Variants in VCP observed in about 807,000 individuals in gnomAD.
VCP encodes the protein transitional endoplasmic reticulum ATPase.
In VCP, 6 loss-of-function variants were observed where a neutral mutation model predicts 85.7. The ratio of observed to expected loss-of-function variants is 0.07; its 90% CI spans 0.04 to 0.14. The LOEUF is 0.14. Among genes scored for constraint, VCP ranks in the 10% least tolerant of loss-of-function variants. The pLI, the probability that VCP is intolerant of heterozygous loss-of-function variation, is 1.00. For synonymous variants in VCP, 384 were observed against 367.1 expected, an observed-to-expected ratio of 1.05 and a Z score of -0.53; for missense variants, 353 against 1,043.4, an observed-to-expected ratio of 0.34 and a Z score of 9.12.
At chr9:35,071,892 G>C (rs1272133337) in intron 1 of VCP, 1 of 998,540 alleles carries the variant, frequency 1.0e-6, no homozygotes, top group Non-Finnish European at 1.2e-6. Context: ...CACGCCCACC[G>C]GGCCCGGCTG....
chr9:35,066,521 C>G (rs1828835204), intron 4 of VCP, among the ~76,000 whole-genome samples, 154 bp downstream of exon 4: 1 of 151,084 alleles, frequency 6.6e-6, no homozygotes, highest in Admixed American at 6.6e-5. Context: ...GCCACGGTGC[C>G]CAGCTGACCC....
At chr9:35,071,322 T>G (rs1182159068) in intron 1 of VCP, among the ~76,000 whole-genome samples, 1 of 70,060 alleles carries the variant, frequency 1.4e-5, no homozygotes, top group East Asian at 3.3e-4. Context: ...TTTTTTTTTT[T>G]GCCTCTAAAA....
rs757516574 is a variant in VCP at position 35,057,161 on chromosome 9, C to T, written c.2377G>A (p.Gly793Ser). 6.2e-7 allele frequency: 1 copy of T among 1,614,202 alleles called. No homozygotes were observed. The highest frequency in any genetic ancestry group is 8.5e-7 in the Non-Finnish European group (1 of 1,180,028). ...PSQGSGGGTG[G>S]SVYTEDNDDD... ...TCATTGTCTTCTGTGTATACACTGC[C>T]ACCTGTGCCGCCTCCACTGCCCTGA... is the stretch of plus-strand genomic sequence containing the variant. The change falls in exon 17 of 17, where the codon GGC becomes AGC. Residue 793 changes from glycine (G) to serine (S), a missense_variant. By Grantham distance (56) the Gly-to-Ser change is moderately conservative (BLOSUM62 0). This residue lies in a region of VCP where 93 missense variants were observed against 197.1 expected (regional missense o/e 0.47). Transcript: ENST00000358901.
At chr9:35,071,293 GTTTTTTTTTTTTTTT>G (rs869178164) in intron 1 of VCP, among the ~76,000 whole-genome samples, 2 of 69,088 alleles carry the variant, frequency 2.9e-5, no homozygotes, top group East Asian at 6.6e-4. Context: ...GGCTGGCTGT[GTTTTTTTTTTTTTTT>G]TTTTTTTTTT....
chr9:35,066,190 G>A (rs1375898244), intron 4 of VCP, among the ~76,000 whole-genome samples: 1 of 151,936 alleles, frequency 6.6e-6, no homozygotes, highest in African/African-American at 2.4e-5. Flanking sequence ...CAGCACTTTG[G>A]GAGGCCATGG....
intron 1 of VCP, 116 bp downstream of exon 1, chr9:35,072,221 T>A: frequency 6.9e-7 from 1 of 1,452,054 alleles, no homozygotes; most frequent in East Asian, 2.9e-5. Context: ...TTCCCTTCCC[T>A]CTTTCCTGGT....
Position 35,067,887 on chromosome 9 carries a change from A to G in VCP, c.302+4T>C. The G allele has an allele frequency of 6.2e-7, 1 of 1,614,174 alleles. No homozygotes were observed. The highest frequency in any genetic ancestry group is 8.5e-7 in the Non-Finnish European group (1 of 1,180,044). On this transcript the variant is annotated splice_donor_region_variant and intron_variant, in intron 3 of 16. Transcript: ENST00000358901. ...CCCTGTGAAGCCAAAAACCCCACAC[A>G]CACCTGATGACATCCCCTAGGCGTA...
intron 6 of VCP, among the ~76,000 whole-genome samples, chr9:35,063,373 G>A (rs901327802): frequency 6.6e-6 from 1 of 152,124 alleles, no homozygotes; most frequent in Non-Finnish European, 1.5e-5. Flanking sequence ...CTAGGGAAAG[G>A]CAAGAGGCCA....
At chr9:35,065,500 T>C (rs1828811458) in intron 4 of VCP, 119 bp from the exon 5 acceptor site, 1 of 1,370,820 alleles carries the variant, frequency 7.3e-7, no homozygotes, top group African/African-American at 1.4e-5. Context: ...CATTAGATAT[T>C]GCCCTACCTC....
chr9:35,058,079 T>C (rs1438366536), intron 15 of VCP, among the ~76,000 whole-genome samples: 4 of 152,162 alleles, frequency 2.6e-5, no homozygotes, highest in Admixed American at 2.0e-4. Context: ...CTAGAGCACA[T>C]TATTTGGGCT....
chr9:35,063,379 G>A (rs1411439471), intron 6 of VCP, among the ~76,000 whole-genome samples: 1 of 152,162 alleles, frequency 6.6e-6, no homozygotes, highest in African/African-American at 2.4e-5. Flanking sequence ...AAAGGCAAGA[G>A]GCCATTACAC....
chr9:35,062,686 G>T (rs936375676), intron 7 of VCP, among the ~76,000 whole-genome samples: 5 of 152,054 alleles, frequency 3.3e-5, no homozygotes, highest in Non-Finnish European at 7.4e-5. Flanking sequence ...AAGTTCATTT[G>T]CCCCAAACCC....
chr9:35,060,983 G>C, intron 11 of VCP, 32 bp downstream of exon 11: 1 of 1,614,192 alleles, frequency 6.2e-7, no homozygotes, highest in Non-Finnish European at 8.5e-7. Flanking sequence ...AAGCACGTAT[G>C]TGTGTACCTG....
chr9:35,061,272 C>T (rs1828715922), intron 10 of VCP, 93 bp from the exon 11 acceptor site: 1 of 1,545,210 alleles, frequency 6.5e-7, no homozygotes, highest in Non-Finnish European at 8.9e-7. Flanking sequence ...GACTGCTATC[C>T]CTGGGTCCTC....
chr9:35,071,241 A>ATC (rs1274673188), intron 1 of VCP, among the ~76,000 whole-genome samples: 1 of 151,154 alleles, frequency 6.6e-6, no homozygotes, highest in African/African-American at 2.4e-5. Context: ...CAAAAAACTA[A>ATC]TCTCTTCAAG....
chr9:35,066,723 C>G lies in VCP; in HGVS notation c.397G>C (p.Val133Leu), dbSNP rs775567003. The change falls in exon 4 of 17, where the codon GTA (valine) becomes CTA (leucine). Residue 133 changes from valine (V) to leucine (L), a missense_variant. Val to Leu is a conservative substitution (Grantham distance 32). Coordinates refer to ENST00000358901, the MANE Select transcript of VCP (RefSeq NM_007126.5). ...TCCAGGAAGTACGGCTTAAGGTATA[C>G]CTCGAAGAGATTACCAGTAATGCCT... ...VEGITGNLFE[V>L]YLKPYFLEAY... 1 of 1,614,146 alleles carries G rather than the reference C, an allele frequency of 6.2e-7. No individual in the cohort carries two copies.
chr9:35,064,892 G>T (rs1016588770), intron 5 of VCP, among the ~76,000 whole-genome samples: 1 of 152,100 alleles, frequency 6.6e-6, no homozygotes, highest in East Asian at 1.9e-4. Flanking sequence ...TTTTGAGACA[G>T]AGTCTCACTC....
In VCP at chr9:35,056,901, C is replaced by G. The variant is rs567542622; in HGVS notation, c.*216G>C. 1.8e-6 allele frequency: 1 copy of G among 556,218 alleles called. No homozygotes were observed. The allele number at this position is 556,218 out of a possible 1,614,324, so 34.5% of individuals were successfully genotyped here. A position where few individuals can be genotyped will look rare whatever the true frequency, so the allele number is the denominator to read the frequency against. ...AATTCCCTGTTGGTAATTCACTCTCCGCCTACCAAATGAAAATCGCTTTTA... is the reference window on the plus strand; with the variant it reads ...AATTCCCTGTTGGTAATTCACTCTCGGCCTACCAAATGAAAATCGCTTTTA... On this transcript the variant is annotated 3_prime_UTR_variant, in exon 17 of 17. Coordinates refer to ENST00000358901, the MANE Select transcript of VCP (RefSeq NM_007126.5).
chr9:35,059,300 C>G lies in VCP; in HGVS notation c.2005-81G>C. 6.3e-7 allele frequency: 1 copy of G among 1,592,390 alleles called. No homozygotes were observed. Among genetic ancestry groups the G allele is most frequent in the Non-Finnish European group, 8.6e-7 (1 of 1,168,276 alleles). ...GATCTTTGGGCTACCCGAGCACTCC[C>G]AACTACAGTTTGCCCCTTCTTTGGC... On this transcript the variant is annotated intron_variant, in intron 14 of 16. Transcript: ENST00000358901. This position sits in a 1 kb window ranked among gnomAD's most constrained non-coding sequence, Gnocchi z 4.9.
Sources: allele counts gnomAD v4.1 joint callset (sites outside exome capture counted in the v4.1 genomes callset), GRCh38; gene constraint gnomAD v4.1.1; regional missense constraint gnomAD v4.1.1; non-coding constraint Gnocchi (gnomAD v3.1); transcripts MANE v1.5; gene names NCBI Gene and HGNC (gene_info 2026-07-23, HGNC 2026-07-21).